Variants in NCAM2 observed in about 807,000 individuals in gnomAD.
NCAM2 encodes the protein N-CAM-2.
In NCAM2, 30 loss-of-function variants were observed where a neutral mutation model predicts 98.1. The observed-to-expected ratio is 0.31, with a 90% CI of 0.23 to 0.41. The LOEUF (loss-of-function observed/expected upper bound fraction) is 0.41. Among genes scored for constraint, NCAM2 ranks in the 10% least tolerant of loss-of-function variants. The pLI is 1.00. For synonymous variants in NCAM2, 368 were observed against 342.4 expected (o/e 1.07, Z -0.83); for missense variants, 867 against 1,005.8 (o/e 0.86, Z 1.87).
chr21:21,314,790 G>T (rs183526568), intron 5 of NCAM2, among the ~76,000 whole-genome samples: 1 of 152,164 alleles, frequency 6.6e-6, no homozygotes, highest in Non-Finnish European at 1.5e-5. Flanking sequence ...AACATAAGTA[G>T]AATGCTAATA....
At chr21:21,265,935 T>C (rs2072253415) in intron 1 of NCAM2, among the ~76,000 whole-genome samples, 1 of 152,146 alleles carries the variant, frequency 6.6e-6, no homozygotes, top group Non-Finnish European at 1.5e-5. Context: ...ATTGTTTTAT[T>C]ATTCATACAA....
intron 1 of NCAM2, among the ~76,000 whole-genome samples, chr21:21,086,861 T>G (rs2065915186): frequency 6.6e-6 from 1 of 151,664 alleles, no homozygotes; most frequent in South Asian, 2.1e-4. Context: ...TTCTTCCTAT[T>G]CTTAATCTTC....
chr21:21,516,812 T>C (rs1283244850), intron 16 of NCAM2, among the ~76,000 whole-genome samples: 2 of 152,180 alleles, frequency 1.3e-5, no homozygotes, highest in African/African-American at 4.8e-5. Flanking sequence ...CAAACCATCT[T>C]GGAGAATGTG....
At chr21:21,172,358 GT>G (rs1318760608) in intron 1 of NCAM2, among the ~76,000 whole-genome samples, 1 of 151,886 alleles carries the variant, frequency 6.6e-6, no homozygotes, top group Non-Finnish European at 1.5e-5. Flanking sequence ...TTAGACATGT[GT>G]TTCATTTTGA....
At chr21:21,511,912 C>T (rs233788) in intron 16 of NCAM2, among the ~76,000 whole-genome samples, 21,091 of 151,866 alleles carry the variant, frequency 0.14, 2,057 homozygotes, top group African/African-American at 0.26. Flanking sequence ...AAATGTCTAT[C>T]CAGATCACTT....
intron 9 of NCAM2, among the ~76,000 whole-genome samples, chr21:21,406,135 A>C: frequency 6.6e-6 from 1 of 152,170 alleles, no homozygotes; most frequent in South Asian, 2.1e-4. Flanking sequence ...AAGGAAGACT[A>C]GTCATTATTA....
chr21:21,226,664 A>T (rs949499175), intron 1 of NCAM2: 3 of 152,068 alleles, frequency 2.0e-5, no homozygotes, highest in Non-Finnish European at 4.4e-5. Flanking sequence ...CTGTCTGAAG[A>T]TGTCTGTATC....
chr21:21,186,145 G>A (rs922920579), intron 1 of NCAM2, among the ~76,000 whole-genome samples: 10 of 151,940 alleles, frequency 6.6e-5, no homozygotes, highest in Admixed American at 4.6e-4. Flanking sequence ...ACAAATTATC[G>A]CTAGTCCCAT....
intron 5 of NCAM2, among the ~76,000 whole-genome samples, chr21:21,322,394 C>T (rs2074399053): frequency 6.6e-6 from 1 of 152,156 alleles, no homozygotes; most frequent in African/African-American, 2.4e-5. Context: ...TACCCCAAAC[C>T]TCAGAATCAT....
At position 21,508,922 on chromosome 21, in the gene NCAM2, G is replaced by T; in HGVS notation, c.2149G>T (p.Val717Leu). 1 of 1,568,178 alleles carries T rather than the reference G, an allele frequency of 6.4e-7. No individual in the cohort carries two copies. Among genetic ancestry groups the T allele is most frequent in the Non-Finnish European group, 8.7e-7 (1 of 1,153,726 alleles). ...AGTTGCTGCACTGCTGCTAATTCTTGTGGTAACAGACGTCAGCTGCTTCTT... is the reference window on the plus strand; with the variant it reads ...AGTTGCTGCACTGCTGCTAATTCTTTTGGTAACAGACGTCAGCTGCTTCTT... ...LGVAALLLILVVTDVSCFFIR... is the reference protein window; with the variant it reads ...LGVAALLLILLVTDVSCFFIR... The change falls in exon 16 of 18, where the codon GTG becomes TTG. Residue 717 changes from valine (V) to leucine (L), a missense_variant. Coordinates refer to ENST00000400546, the MANE Select transcript of NCAM2 (RefSeq NM_004540.5).
At chr21:21,517,471 G>A (rs760413209) in intron 16 of NCAM2, among the ~76,000 whole-genome samples, 50 of 152,158 alleles carry the variant, frequency 3.3e-4, no homozygotes, top group Non-Finnish European at 1.3e-4. Flanking sequence ...AGGAACTAGA[G>A]GGATAGAAAG....
intron 1 of NCAM2, among the ~76,000 whole-genome samples, chr21:21,221,634 G>T (rs1415975876): frequency 6.6e-6 from 1 of 152,124 alleles, no homozygotes; most frequent in African/African-American, 2.4e-5. Context: ...ATTCAATTTT[G>T]CAAAGGCTGT....
chr21:21,266,825 C>G (rs920590099), intron 1 of NCAM2, among the ~76,000 whole-genome samples: 4 of 152,156 alleles, frequency 2.6e-5, no homozygotes, highest in African/African-American at 7.2e-5. Flanking sequence ...ACATATGCAA[C>G]AAACCTGCAC....
chr21:21,493,446 C>T (rs1335157981), intron 15 of NCAM2, among the ~76,000 whole-genome samples: 2 of 151,844 alleles, frequency 1.3e-5, no homozygotes, highest in South Asian at 2.1e-4. Flanking sequence ...CTAAAGAGGG[C>T]TCCCATATAC....
intron 1 of NCAM2, among the ~76,000 whole-genome samples, chr21:21,200,214 A>C (rs533193861): frequency 1.4e-4 from 22 of 152,254 alleles, no homozygotes; most frequent in African/African-American, 5.3e-4. Context: ...TAACAATGCC[A>C]TGAAAGAATA....
chr21:21,143,606 A>T (rs1455776875), intron 1 of NCAM2, among the ~76,000 whole-genome samples: 1 of 152,112 alleles, frequency 6.6e-6, no homozygotes, highest in African/African-American at 2.4e-5. Context: ...GCACAATATG[A>T]TGAATTCACC....
chr21:21,244,408 C>G (rs2071182572), intron 1 of NCAM2, among the ~76,000 whole-genome samples: 1 of 152,038 alleles, frequency 6.6e-6, no homozygotes, highest in African/African-American at 2.4e-5. Flanking sequence ...TCTCAGGTAC[C>G]TTGGTGCCTT....
intron 9 of NCAM2, among the ~76,000 whole-genome samples, chr21:21,399,171 G>T (rs149220523): frequency 6.6e-6 from 1 of 152,138 alleles, no homozygotes; most frequent in Admixed American, 6.5e-5. Context: ...TGGTTAATTT[G>T]TACATACTTT....
At chr21:21,386,310 G>C (rs965289910) in intron 9 of NCAM2, among the ~76,000 whole-genome samples, 2 of 152,014 alleles carry the variant, frequency 1.3e-5, no homozygotes, top group South Asian at 2.1e-4. Flanking sequence ...AAATTCCTTG[G>C]TCATAGCAGA....
Sources: gnomAD v4.1 joint callset for allele counts (sites outside exome capture counted in the v4.1 genomes callset) on GRCh38, gnomAD v4.1.1 for gene constraint, MANE v1.5 for transcripts, NCBI Gene and HGNC (gene_info 2026-07-23, HGNC 2026-07-21) for gene names.